Variants in TNPO3 observed in about 807,000 individuals in gnomAD.
The protein encoded by TNPO3 is transportin 3, also known as transportin-3.
TNPO3 carries 65 observed loss-of-function variants against 122.8 expected under a neutral mutation model. That is an observed-to-expected ratio of 0.53 (90% CI 0.43 to 0.65). TNPO3 has a LOEUF of 0.65. Ranked by LOEUF, TNPO3 falls within the 30% of genes least tolerant of loss-of-function variation. The pLI is 0.00. For synonymous variants in TNPO3, 372 were observed against 411.2 expected, an observed-to-expected ratio of 0.90 and a Z score of 1.15; for missense variants, 850 against 1,136.7, an observed-to-expected ratio of 0.75 and a Z score of 3.63.
At chr7:129,012,731 T>A (rs1803357198) in intron 4 of TNPO3, among the ~76,000 whole-genome samples, 1 of 152,200 alleles carries the variant, frequency 6.6e-6, no homozygotes. Flanking sequence ...GGCTAATCAA[T>A]TTATTAGCAT....
At chr7:128,964,801 A>C (rs1215871207) in intron 21 of TNPO3, among the ~76,000 whole-genome samples, 4 of 152,202 alleles carry the variant, frequency 2.6e-5, no homozygotes, top group Non-Finnish European at 5.9e-5. Flanking sequence ...GTATATGGTC[A>C]AATGATTTTC....
chr7:129,034,733 C>CA (rs571842368), intron 1 of TNPO3, among the ~76,000 whole-genome samples: 13,819 of 138,704 alleles, frequency 0.1, 680 homozygotes, highest in Non-Finnish European at 0.12. Flanking sequence ...ACTAAAAATA[C>CA]AAAAAAAAAA....
chr7:128,956,763 G>C (rs1326366288), intron 22 of TNPO3, among the ~76,000 whole-genome samples: 1 of 152,128 alleles, frequency 6.6e-6, no homozygotes, highest in Non-Finnish European at 1.5e-5. Context: ...TGGCACTTCA[G>C]CATTCAGGTC....
Position 128,970,181 on chromosome 7 carries a change from T to C in TNPO3, c.2565A>G (p.Glu855=). 1 of 1,614,178 alleles carries C rather than the reference T, an allele frequency of 6.2e-7. No individual in the cohort carries two copies. Among genetic ancestry groups the C allele is most frequent in the Non-Finnish European group, 8.5e-7 (1 of 1,180,026 alleles). The change falls in exon 20 of 23, where the codon GAA becomes GAG. Residue 855 remains glutamate (E), a synonymous_variant. Transcript: ENST00000265388. ...LPPYTLPDVA[E]VLWEIMQVDR... is the part of the protein sequence containing the mutation. ...CAACCTGCATGATCTCCCAGAGCAC[T>C]TCAGCCACATCTGGTAGGGTATAGG...
At chr7:128,994,812 CA>C (rs1432311966) in intron 8 of TNPO3, among the ~76,000 whole-genome samples, 2 of 152,068 alleles carry the variant, frequency 1.3e-5, no homozygotes, top group African/African-American at 4.8e-5. Context: ...CATGCACCAC[CA>C]CGCTTGGCTA....
intron 7 of TNPO3, among the ~76,000 whole-genome samples, chr7:128,998,428 C>T (rs1801576495): frequency 6.6e-6 from 1 of 152,176 alleles, no homozygotes; most frequent in Non-Finnish European, 1.5e-5. Context: ...AATCATGGCT[C>T]ACTGCAGCCT....
intron 9 of TNPO3, among the ~76,000 whole-genome samples, chr7:128,992,813 A>C (rs1563096188): frequency 6.6e-6 from 1 of 152,038 alleles, no homozygotes; most frequent in East Asian, 1.9e-4. Flanking sequence ...TTTGGCAAAA[A>C]ATATCTCATG....
At chr7:128,972,302 T>C (rs1460449502) in intron 19 of TNPO3, 124 bp downstream of exon 19, 14 of 1,114,292 alleles carry the variant, frequency 1.3e-5, no homozygotes, top group Non-Finnish European at 1.8e-5. Flanking sequence ...TGATCCACTA[T>C]GATATATGTC....
At chr7:128,962,132 G>A (rs1030538746) in intron 21 of TNPO3, among the ~76,000 whole-genome samples, 2 of 152,102 alleles carry the variant, frequency 1.3e-5, no homozygotes, top group East Asian at 1.9e-4. Context: ...TTGGGAGGCC[G>A]AGGCGGATGG....
rs1163132835 is a variant in TNPO3, at chr7:128,974,882, G to C, written c.2259C>G (p.Phe753Leu). ...QNHPDTVDDL[F>L]RLATRFIQRS... ...GAAGGATTTACCTGGTGGCTAGCCG[G>C]AACAGGTCATCTACAGTGTCAGGGT... The change falls in exon 18 of 23, where the codon TTC becomes TTG. Residue 753 changes from phenylalanine to leucine, a missense_variant. Transcript: ENST00000265388. 1 of 1,613,960 alleles carries C rather than the reference G, an allele frequency of 6.2e-7. No homozygotes were observed. Among genetic ancestry groups the C allele is most frequent in the Non-Finnish European group, 8.5e-7 (1 of 1,179,922 alleles).
intron 12 of TNPO3, 66 bp downstream of exon 12, chr7:128,986,663 C>G: frequency 7.0e-7 from 1 of 1,432,738 alleles, no homozygotes; most frequent in East Asian, 2.3e-5. Context: ...TGGGATATGA[C>G]AGATGTAAGA....
At chr7:128,998,004 ATTTTTTTT>A (rs71162546) in intron 7 of TNPO3, among the ~76,000 whole-genome samples, 3 of 129,428 alleles carry the variant, frequency 2.3e-5, no homozygotes, top group Admixed American at 7.9e-5. Flanking sequence ...AGCTCAGCTA[ATTTTTTTT>A]TTTTTTTTTT....
chr7:129,047,023 A>G (rs150351454), intron 1 of TNPO3, among the ~76,000 whole-genome samples: 2,326 of 152,330 alleles, frequency 0.015, 30 homozygotes, highest in South Asian at 0.044. Flanking sequence ...TATGATATCT[A>G]AGAAGAAAAT....
chr7:129,005,309 T>C, intron 4 of TNPO3, 150 bp from the exon 5 acceptor site: 1 of 741,676 alleles, frequency 1.3e-6, no homozygotes, highest in South Asian at 2.2e-5. Flanking sequence ...TCACTGTTTT[T>C]TTTTTTTCCT....
At chr7:129,046,195 CAAAAAAAAAAAAA>C (rs5887409) in intron 1 of TNPO3, among the ~76,000 whole-genome samples, 1 of 79,302 alleles carries the variant, frequency 1.3e-5, no homozygotes, top group African/African-American at 4.9e-5. Flanking sequence ...GACTCCGTCT[CAAAAAAAAAAAAA>C]AAAAAAAAAG....
At chr7:129,011,089 AC>A (rs1352766577) in intron 4 of TNPO3, among the ~76,000 whole-genome samples, 1 of 152,182 alleles carries the variant, frequency 6.6e-6, no homozygotes, top group Non-Finnish European at 1.5e-5. Context: ...CTCTTGAGGA[AC>A]CCCTACTGAG....
At chr7:128,962,367 G>A (rs1485693734) in intron 21 of TNPO3, among the ~76,000 whole-genome samples, 3 of 83,956 alleles carry the variant, frequency 3.6e-5, no homozygotes, top group African/African-American at 4.5e-5. Flanking sequence ...GCGAGACTCC[G>A]TCTCAAAAAA....
chr7:128,981,393 C>T (rs1000069163), intron 14 of TNPO3, among the ~76,000 whole-genome samples: 5 of 152,154 alleles, frequency 3.3e-5, no homozygotes, highest in African/African-American at 1.2e-4. Flanking sequence ...CATTAGGCTC[C>T]TCCTCTTCAC....
chr7:128,970,056 G>A, intron 20 of TNPO3, 92 bp downstream of exon 20: 1 of 1,505,948 alleles, frequency 6.6e-7, no homozygotes, highest in Non-Finnish European at 9.2e-7. Context: ...ACAGAAAACA[G>A]GGCTAGTTTC....
Sources: gnomAD v4.1 joint callset for allele counts (sites outside exome capture counted in the v4.1 genomes callset) on GRCh38, gnomAD v4.1.1 for gene constraint, MANE v1.5 for transcripts, NCBI Gene and HGNC (gene_info 2026-07-23, HGNC 2026-07-21) for gene names.